Variants in ABAT observed in about 807,000 individuals in gnomAD.
ABAT encodes the protein 4-aminobutyrate aminotransferase, also known as 4-aminobutyrate aminotransferase, mitochondrial.
A neutral mutation model predicts 64.6 loss-of-function variants in ABAT; 45 were observed. The ratio of observed to expected loss-of-function variants is 0.70; its 90% CI spans 0.55 to 0.89. The LOEUF is 0.89. ABAT is among the 40% of genes least tolerant of loss of function. The pLI, the probability that ABAT is intolerant of heterozygous loss-of-function variation, is 0.00. For synonymous variants in ABAT, 297 were observed against 250.5 expected (o/e 1.19, Z -1.75); for missense variants, 633 against 658.4 (o/e 0.96, Z 0.42).
intron 1 of ABAT, among the ~76,000 whole-genome samples, chr16:8,734,293 G>A (rs1036840442): frequency 6.6e-6 from 1 of 152,086 alleles, no homozygotes; most frequent in Admixed American, 6.5e-5. Context: ...CATTCTCTTT[G>A]TTCCTCATGA....
At chr16:8,733,343 C>G (rs1205550979) in intron 1 of ABAT, among the ~76,000 whole-genome samples, 1 of 151,064 alleles carries the variant, frequency 6.6e-6, no homozygotes, top group Non-Finnish European at 1.5e-5. Flanking sequence ...TCCTCACTTT[C>G]CAGACTGGGC....
At chr16:8,722,829 A>C in intron 1 of ABAT, 1 of 1,289,122 alleles carries the variant, frequency 7.8e-7, no homozygotes, top group South Asian at 1.2e-5. Flanking sequence ...GGGATATACT[A>C]ATGCAACTTC....
At chr16:8,710,727 A>AGAGAGAGAGAGTGAGAGGGAGG in intron 1 of ABAT, among the ~76,000 whole-genome samples, 1 of 103,756 alleles carries the variant, frequency 9.6e-6, no homozygotes, top group Admixed American at 1.1e-4. Context: ...AGAGAGAGAG[A>AGAGAGAGAGAGTGAGAGGGAGG]GAGGAAATAG....
chr16:8,700,821 G>C (rs1051234592), intron 1 of ABAT, among the ~76,000 whole-genome samples: 1 of 151,534 alleles, frequency 6.6e-6, no homozygotes, highest in Admixed American at 6.6e-5. Flanking sequence ...GCTCAGGCTG[G>C]TCTTGAGCTC....
chr16:8,767,852 T>A (rs1444419130), intron 9 of ABAT, among the ~76,000 whole-genome samples: 1 of 152,064 alleles, frequency 6.6e-6, no homozygotes, highest in African/African-American at 2.4e-5. Flanking sequence ...ATTTTTGTAT[T>A]TTTAGTAGAG....
At position 8,764,635 on chromosome 16, in the gene ABAT, C is replaced by T; in HGVS notation, c.448-103C>T. 2 of 1,123,000 alleles carry T rather than the reference C, an allele frequency of 1.8e-6. No individual in the cohort carries two copies. Among genetic ancestry groups the T allele is most frequent in the Non-Finnish European group, 2.7e-6 (2 of 744,470 alleles). 69.6% of individuals were successfully genotyped at this position (1,123,000 alleles called of 1,614,324 possible). A position where few individuals can be genotyped will look rare whatever the true frequency, so the allele number is the denominator to read the frequency against. ...CCTTCCAGGACAGCCCTGGTTCTGT[C>T]TGTCCCCGGTACGGCCCCTGCGAAG... On this transcript the variant is annotated intron_variant, in intron 7 of 15. Transcript: ENST00000268251. This position sits in a 1 kb window ranked among gnomAD's most constrained non-coding sequence, Gnocchi z 4.2.
At chr16:8,712,623 C>T (rs2058101577) in intron 1 of ABAT, among the ~76,000 whole-genome samples, 4 of 152,102 alleles carry the variant, frequency 2.6e-5, no homozygotes, top group Non-Finnish European at 5.9e-5. Flanking sequence ...TTGTGGAGTC[C>T]CCTTTGGCCC....
intron 1 of ABAT, among the ~76,000 whole-genome samples, chr16:8,717,107 T>C (rs1273392): frequency 0.077 from 11,756 of 152,216 alleles, 608 homozygotes; most frequent in Middle Eastern, 0.18. Context: ...CTGACCAACA[T>C]GGTGAAACTT....
intron 1 of ABAT, chr16:8,722,839 C>A (rs1333406162): frequency 7.8e-7 from 1 of 1,288,990 alleles, no homozygotes; most frequent in African/African-American, 1.5e-5. Context: ...AATGCAACTT[C>A]GAGGTAGGAG....
chr16:8,778,413 C>A (rs1455056659), intron 14 of ABAT, among the ~76,000 whole-genome samples: 1 of 152,148 alleles, frequency 6.6e-6, no homozygotes, highest in Non-Finnish European at 1.5e-5. Context: ...CACTCTGCTT[C>A]TGGCGTCACT....
At chr16:8,706,571 G>A (rs542868671) in intron 1 of ABAT, among the ~76,000 whole-genome samples, 11 of 152,088 alleles carry the variant, frequency 7.2e-5, no homozygotes, top group Non-Finnish European at 1.2e-4. Flanking sequence ...AAAATTAGCC[G>A]GGTGTGGTGG....
At chr16:8,729,475 C>T (rs908388890) in intron 1 of ABAT, among the ~76,000 whole-genome samples, 1 of 152,082 alleles carries the variant, frequency 6.6e-6, no homozygotes, top group Non-Finnish European at 1.5e-5. Flanking sequence ...GGAGATTACC[C>T]TACTCCTATA....
chr16:8,761,789 G>A (rs1404314299), intron 6 of ABAT, among the ~76,000 whole-genome samples: 1 of 152,082 alleles, frequency 6.6e-6, no homozygotes, highest in East Asian at 1.9e-4. Flanking sequence ...CTTGTACAGG[G>A]CAGGTTCCTG....
chr16:8,772,210 C>A (rs1342021152), intron 11 of ABAT, among the ~76,000 whole-genome samples: 1 of 145,898 alleles, frequency 6.9e-6, no homozygotes, highest in Non-Finnish European at 1.5e-5. Context: ...TAGCAGCCAC[C>A]ACTTTATGTG....
chr16:8,743,448 C>T lies in ABAT; in HGVS notation c.71-2553C>T, dbSNP rs865874226. On this transcript the variant is annotated intron_variant, in intron 2 of 15. Coordinates refer to ENST00000268251, the MANE Select transcript of ABAT (RefSeq NM_020686.6). The stretch of plus-strand genomic sequence containing the variant: ...TTATATATATATATATATATATACA[C>T]ACATTTTATAATATATTATATAATA... 8.9e-3 allele frequency among the ~76,000 whole-genome samples: 617 copies of T among 69,052 alleles called. 20 individuals are homozygous for T. Among genetic ancestry groups the T allele is most frequent in the African/African-American group, 0.059 (584 of 9,932 alleles). The allele number at this position is 69,052 out of a possible 152,430, so 45.3% of individuals were successfully genotyped here.
intron 9 of ABAT, among the ~76,000 whole-genome samples, chr16:8,767,705 C>T (rs140835813): frequency 8.5e-4 from 129 of 152,302 alleles, no homozygotes; most frequent in African/African-American, 2.9e-3. Context: ...GACAGAGTCT[C>T]GCTCTTGTTG....
Position 8,776,728 on chromosome 16 carries a change from G to GT in ABAT, c.1269+246dup, listed in dbSNP as rs895283035. On this transcript the variant is annotated intron_variant, in intron 14 of 15. Transcript: ENST00000268251. This position sits in a 1 kb window ranked among gnomAD's most constrained non-coding sequence, Gnocchi z 4.4. ...TGAACTCCTGGTTTTCTTTGTTGTT[G>GT]TTTTTTTTAATTTATTTTTTATTTT... Among the ~76,000 whole-genome samples, 10 of 151,896 alleles carry GT rather than the reference G, an allele frequency of 6.6e-5. No individual in the cohort carries two copies. Among genetic ancestry groups the GT allele is most frequent in the South Asian group, 2.1e-4 (1 of 4,794 alleles).
intron 1 of ABAT, chr16:8,713,882 A>T: frequency 4.4e-6 from 2 of 456,132 alleles, no homozygotes. Flanking sequence ...GCAAATGTGT[A>T]TGTGTGTCTC....
chr16:8,725,233 A>G (rs1456116664), intron 1 of ABAT, among the ~76,000 whole-genome samples: 2 of 152,148 alleles, frequency 1.3e-5, no homozygotes, highest in Non-Finnish European at 2.9e-5. Context: ...TTTTATTAAG[A>G]TAAACATAAC....
Sources: allele counts gnomAD v4.1 joint callset (sites outside exome capture counted in the v4.1 genomes callset), GRCh38; gene constraint gnomAD v4.1.1; non-coding constraint Gnocchi (gnomAD v3.1); transcripts MANE v1.5; gene names NCBI Gene and HGNC (gene_info 2026-07-23, HGNC 2026-07-21).